The following GRAMD4 variants were observed in gnomAD, a reference collection of about 807,000 sequenced individuals.
GRAMD4 encodes GRAM domain containing 4.
A neutral mutation model predicts 83.9 loss-of-function variants in GRAMD4; 25 were observed. The ratio of observed to expected loss-of-function variants is 0.30; its 90% confidence interval spans 0.22 to 0.42. The LOEUF is 0.42. Among genes scored for constraint, GRAMD4 ranks in the 10% least tolerant of loss-of-function variants. The pLI is 1.00. For synonymous variants in GRAMD4, 336 were observed against 320.9 expected, an observed-to-expected ratio of 1.05 and a Z score of -0.50; for missense variants, 593 against 788.7, an observed-to-expected ratio of 0.75 and a Z score of 2.97.
At chr22:46,592,561 C>T (rs753201352) in intron 1 of GRAMD4, among the ~76,000 whole-genome samples, 2 of 152,132 alleles carry the variant, frequency 1.3e-5, no homozygotes, top group African/African-American at 2.4e-5. Flanking sequence ...GGGAGGGGCT[C>T]GATTCAGTTA....
intron 3 of GRAMD4, among the ~76,000 whole-genome samples, chr22:46,640,430 T>G (rs2081958547): frequency 6.6e-6 from 1 of 152,026 alleles, no homozygotes; most frequent in Non-Finnish European, 1.5e-5. Context: ...AGTTGCAAAA[T>G]GGAGACAGCT....
In GRAMD4 at chr22:46,634,371, C is replaced by G. The variant is rs1047977168; in HGVS notation, c.163-3469C>G. Among the ~76,000 whole-genome samples the G allele has an allele frequency of 3.3e-5, 5 of 152,142 alleles. No individual in the cohort carries two copies. The South Asian group carries it at 1.0e-3, about 32-fold the overall frequency. On this transcript the variant is annotated intron_variant, in intron 2 of 18. Coordinates refer to ENST00000406902, the MANE Select transcript of GRAMD4 (RefSeq NM_015124.5). ...TTCTGGAAGCTACATAGATAAGAAA[C>G]CTAAGGAAGGGGAGACAGAGGAGAA... is the stretch of plus-strand genomic sequence containing the variant.
At chr22:46,590,832 A>C (rs2081199932) in intron 1 of GRAMD4, among the ~76,000 whole-genome samples, 1 of 152,156 alleles carries the variant, frequency 6.6e-6, no homozygotes, top group Admixed American at 6.5e-5. Context: ...AGGCCGAGGC[A>C]GGTGGATTGT....
chr22:46,662,153 ACT>A (rs1484180580), intron 5 of GRAMD4, among the ~76,000 whole-genome samples: 2 of 151,486 alleles, frequency 1.3e-5, no homozygotes, highest in African/African-American at 4.8e-5. Flanking sequence ...CCCCTTAAAA[ACT>A]CTGCCAGGCT....
At chr22:46,582,721 G>T (rs2081110088) in intron 1 of GRAMD4, among the ~76,000 whole-genome samples, 1 of 152,176 alleles carries the variant, frequency 6.6e-6, no homozygotes, top group African/African-American at 2.4e-5. Flanking sequence ...ACCTGGCTGA[G>T]GTGTGTTTGT....
In GRAMD4 at chr22:46,652,174, A is replaced by T. The variant is rs1323377839; in HGVS notation, c.284-6013A>T. ...TGGATGAGTCGCCGACCTTTGGTGGAGATGGTTCTGGATTATCTGGGGGCG... is the reference window on the plus strand; with the variant it reads ...TGGATGAGTCGCCGACCTTTGGTGGTGATGGTTCTGGATTATCTGGGGGCG... On this transcript the variant is annotated intron_variant, in intron 3 of 18. Transcript: ENST00000406902. 2.0e-5 allele frequency among the ~76,000 whole-genome samples: 3 copies of T among 152,074 alleles called. No homozygotes were observed. In the South Asian group the frequency reaches 6.2e-4, roughly 32 times the overall value.
At chr22:46,680,592 AT>A (rs1569313470), downstream of GRAMD4, among the ~76,000 whole-genome samples, 4 of 121,770 alleles carry the variant, frequency 3.3e-5, no homozygotes, top group Non-Finnish European at 5.3e-5. Flanking sequence ...CCATCCATCC[AT>A]CCACCCACCC....
chr22:46,612,621 C>T (rs567492829), intron 1 of GRAMD4, among the ~76,000 whole-genome samples: 14 of 152,246 alleles, frequency 9.2e-5, no homozygotes, highest in Non-Finnish European at 1.5e-4. Context: ...TGAGCTCACA[C>T]GCGTGCTCAG....
chr22:46,681,277 C>T (rs1281532065), downstream of GRAMD4, among the ~76,000 whole-genome samples: 1 of 152,136 alleles, frequency 6.6e-6, no homozygotes, highest in African/African-American at 2.4e-5. Flanking sequence ...AAAAGGCCAA[C>T]CTTGTGGGAG....
intron 3 of GRAMD4, among the ~76,000 whole-genome samples, chr22:46,652,285 GTCAT>G (rs1031303691): frequency 6.6e-6 from 1 of 152,130 alleles, no homozygotes; most frequent in African/African-American, 2.4e-5. Flanking sequence ...TCACAGTGAC[GTCAT>G]TGCTCCCTGG....
At chr22:46,620,244 TGCTTTTGTGTTCCA>T, upstream of GRAMD4, 12 of 914,142 alleles carry the variant, frequency 1.3e-5, 1 homozygote, top group Non-Finnish European at 1.6e-5. The surrounding 1 kb of genome is among the most constrained non-coding windows in gnomAD (Gnocchi z 4.7). Flanking sequence ...CAGAGCAGCA[TGCTTTTGTGTTCCA>T]GGGCTGGCTG....
chr22:46,676,555 G>T, intron 17 of GRAMD4, 45 bp from the exon 18 acceptor site: 1 of 1,524,332 alleles, frequency 6.6e-7, no homozygotes, highest in Non-Finnish European at 8.9e-7. Flanking sequence ...GTGCCTCCCT[G>T]TCCCCAGGAG....
At chr22:46,680,476 C>T (rs1323683683), downstream of GRAMD4, among the ~76,000 whole-genome samples, 2 of 151,846 alleles carry the variant, frequency 1.3e-5, no homozygotes, top group Non-Finnish European at 2.9e-5. Flanking sequence ...GGCACAGCTT[C>T]GGAAAGTAGG....
In GRAMD4 at chr22:46,679,004, A is replaced by ACTGG. The variant is rs2082638971; in HGVS notation, c.*1756_*1759dup. 1.0e-6 allele frequency: 1 copy of ACTGG among 985,528 alleles called. No individual in the cohort carries two copies. Among genetic ancestry groups the ACTGG allele is most frequent in the African/African-American group, 1.7e-5 (1 of 57,218 alleles). 61.0% of individuals were successfully genotyped at this position (985,528 alleles called of 1,614,324 possible). A position where few individuals can be genotyped will look rare whatever the true frequency, so the allele number is the denominator to read the frequency against. ...GCCGTGGGTCTGGCTCCTGTAGGGG[A>ACTGG]CTGGCTCTCTTGGTGCACCAGGGGA... On this transcript the variant is annotated 3_prime_UTR_variant, in exon 19 of 19. Coordinates refer to ENST00000406902, the MANE Select transcript of GRAMD4 (RefSeq NM_015124.5).
intron 2 of GRAMD4, among the ~76,000 whole-genome samples, chr22:46,632,372 C>T (rs374652458): frequency 6.6e-6 from 1 of 152,202 alleles, no homozygotes; most frequent in East Asian, 1.9e-4. Context: ...GACCCACGCC[C>T]CATCTTGAGA....
intron 1 of GRAMD4, among the ~76,000 whole-genome samples, chr22:46,579,350 C>T (rs1009584974): frequency 1.3e-5 from 2 of 152,186 alleles, no homozygotes; most frequent in African/African-American, 2.4e-5. Flanking sequence ...AACTGGAAAA[C>T]GAGGGAGGAG....
At chr22:46,610,471 T>C (rs538999014) in intron 1 of GRAMD4, among the ~76,000 whole-genome samples, 7 of 152,340 alleles carry the variant, frequency 4.6e-5, no homozygotes, top group Admixed American at 4.6e-4. Flanking sequence ...ACAGCAGAGT[T>C]GGGAAGTTGT....
chr22:46,605,423 A>G (rs1257663873), intron 1 of GRAMD4, among the ~76,000 whole-genome samples: 1 of 152,250 alleles, frequency 6.6e-6, no homozygotes, highest in East Asian at 1.9e-4. Context: ...TGGGTATGCA[A>G]ATATCTCTTC....
At chr22:46,660,478 A>C (rs12158467) in intron 4 of GRAMD4, among the ~76,000 whole-genome samples, 13,548 of 152,152 alleles carry the variant, frequency 0.089, 795 homozygotes, top group African/African-American at 0.16. Flanking sequence ...ACACACAAAC[A>C]TGCAGACACA....
Sources: gnomAD v4.1 joint callset for allele counts (sites outside exome capture counted in the v4.1 genomes callset) on GRCh38, gnomAD v4.1.1 for gene constraint, Gnocchi (gnomAD v3.1) non-coding constraint, MANE v1.5 for transcripts, NCBI Gene and HGNC (gene_info 2026-07-23, HGNC 2026-07-21) for gene names.